The following RABGAP1L variants were observed in gnomAD, a reference collection of about 807,000 sequenced individuals.
RABGAP1L encodes rab GTPase-activating protein 1-like.
Under a neutral mutation model 137.7 loss-of-function variants are expected in RABGAP1L, and 63 were observed. That is an observed-to-expected ratio of 0.46 (90% CI 0.37 to 0.56). The LOEUF is 0.56. Among genes scored for constraint, RABGAP1L ranks in the 20% least tolerant of loss-of-function variants. RABGAP1L has a pLI of 0.00. For synonymous variants in RABGAP1L, 431 were observed against 433.7 expected, an observed-to-expected ratio of 0.99 and a Z score of 0.08; for missense variants, 1,095 against 1,244.0, an observed-to-expected ratio of 0.88 and a Z score of 1.80.
chr1:174,842,244 A>G (rs1251349642), intron 19 of RABGAP1L, among the ~76,000 whole-genome samples: 1 of 152,174 alleles, frequency 6.6e-6, no homozygotes, highest in East Asian at 1.9e-4. Context: ...CATCTTCTAT[A>G]TCATTTCCAG....
At chr1:174,658,541 C>T (rs1676136703) in intron 14 of RABGAP1L, among the ~76,000 whole-genome samples, 1 of 152,124 alleles carries the variant, frequency 6.6e-6, no homozygotes, top group Admixed American at 6.5e-5. Flanking sequence ...TTACTGCTGC[C>T]AGTTCTCTTG....
intron 18 of RABGAP1L, among the ~76,000 whole-genome samples, chr1:174,757,522 TATA>T (rs1291254251): frequency 1.5e-4 from 22 of 148,092 alleles, no homozygotes; most frequent in African/African-American, 5.4e-4. Flanking sequence ...TAAATATAAA[TATA>T]ATATATAAAT....
intron 13 of RABGAP1L, among the ~76,000 whole-genome samples, chr1:174,430,796 A>G (rs1652539973): frequency 6.6e-6 from 1 of 152,180 alleles, no homozygotes; most frequent in African/African-American, 2.4e-5. Flanking sequence ...AAAATAATTA[A>G]ACTCATGATT....
intron 13 of RABGAP1L, among the ~76,000 whole-genome samples, chr1:174,502,313 G>A (rs1661351139): frequency 6.6e-6 from 1 of 151,482 alleles, no homozygotes; most frequent in Non-Finnish European, 1.5e-5. Context: ...CAAAGGAAAA[G>A]AATCCCAAAG....
chr1:174,391,777 C>T (rs1202750887), intron 12 of RABGAP1L, among the ~76,000 whole-genome samples: 1 of 152,106 alleles, frequency 6.6e-6, no homozygotes, highest in African/African-American at 2.4e-5. Flanking sequence ...TTGGATTTCC[C>T]TTACATGATA....
intron 13 of RABGAP1L, among the ~76,000 whole-genome samples, chr1:174,411,227 CT>C (rs2149130615): frequency 6.6e-6 from 1 of 152,108 alleles, no homozygotes; most frequent in South Asian, 2.1e-4. Context: ...GGATGCCTTT[CT>C]TTCTCTTGCC....
chr1:174,453,427 C>A, intron 13 of RABGAP1L, among the ~76,000 whole-genome samples: 1 of 152,212 alleles, frequency 6.6e-6, no homozygotes, highest in East Asian at 1.9e-4. Context: ...TTTCTCCCCA[C>A]GCTAGAAGGT....
At chr1:174,449,918 A>G (rs903542390) in intron 13 of RABGAP1L, among the ~76,000 whole-genome samples, 8 of 152,008 alleles carry the variant, frequency 5.3e-5, no homozygotes, top group Non-Finnish European at 1.0e-4. Flanking sequence ...CTTGATCTGC[A>G]TCCATTGGTA....
rs948095467 is a variant in RABGAP1L, at chr1:174,498,343, A to G, written c.1710+104198A>G. On this transcript the variant is annotated intron_variant, in intron 13 of 25. Transcript: ENST00000681986. ...ATTGCTTAGGAATGCTAATTAATTAAAAGGTCTTGTTGAATTCAAATTGGT... is the reference window on the plus strand; with the variant it reads ...ATTGCTTAGGAATGCTAATTAATTAGAAGGTCTTGTTGAATTCAAATTGGT... Among the ~76,000 whole-genome samples the G allele has an allele frequency of 2.0e-5, 3 of 152,314 alleles. No individual in the cohort carries two copies. In the South Asian group the frequency reaches 6.2e-4, roughly 32 times the overall value.
At chr1:174,373,928 C>A (rs193093042) in intron 12 of RABGAP1L, among the ~76,000 whole-genome samples, 149 of 152,216 alleles carry the variant, frequency 9.8e-4, no homozygotes, top group African/African-American at 3.3e-3. Context: ...AAAAGCTGGG[C>A]CTAATTCTCA....
At position 174,448,334 on chromosome 1, in the gene RABGAP1L, AC is replaced by A; in HGVS notation, c.1710+54190del. The A allele has an allele frequency of 6.2e-7, 1 of 1,613,708 alleles. No homozygotes were observed. The highest frequency in any genetic ancestry group is 8.5e-7 in the Non-Finnish European group (1 of 1,179,650). On this transcript the variant is annotated intron_variant, in intron 13 of 25. Coordinates refer to ENST00000681986, the MANE Select transcript of RABGAP1L (RefSeq NM_001366446.1). The surrounding 1 kb of genome is among the most constrained non-coding windows in gnomAD (Gnocchi z 4.2). ...TTGTGCTCCACTGTTACATCATTAT[AC>A]TACCAGCTATTTCATTCAGACGATG... is the stretch of plus-strand genomic sequence containing the variant.
rs1218904382 is a variant in RABGAP1L, at chr1:174,993,423, ATATT to A, written c.*3428_*3431del. 4 of 119,588 alleles carry A rather than the reference ATATT, an allele frequency of 3.3e-5. No homozygotes were observed. The highest frequency in any genetic ancestry group is 5.9e-5 in the Non-Finnish European group (4 of 67,686). The allele number at this position is 119,588 out of a possible 1,614,324, so 7.4% of individuals were successfully genotyped here. On this transcript the variant is annotated 3_prime_UTR_variant, in exon 26 of 26. Coordinates refer to ENST00000681986, the MANE Select transcript of RABGAP1L (RefSeq NM_001366446.1). ...TTCATTTTTTTCCTATGATGTATTA[ATATT>A]TATTTTTCTCCAACCCCTGCTCCAT...
intron 13 of RABGAP1L, among the ~76,000 whole-genome samples, chr1:174,611,779 T>G (rs1417495030): frequency 6.6e-6 from 1 of 152,174 alleles, no homozygotes. Context: ...CACGTCCCTT[T>G]TAAGTTGGAT....
rs998042532 is a variant in RABGAP1L, at chr1:174,668,130, G to T, written c.1825-15392G>T. 2.6e-5 allele frequency among the ~76,000 whole-genome samples: 4 copies of T among 152,136 alleles called. No homozygotes were observed. The East Asian group carries it at 5.8e-4, about 22-fold the overall frequency. On this transcript the variant is annotated intron_variant, in intron 14 of 25. Coordinates refer to ENST00000681986, the MANE Select transcript of RABGAP1L (RefSeq NM_001366446.1). Reference sequence around the variant, plus strand: ...CCAAAAACCTGCCACCTAGATTCTAGAATTAGCATTTTGTGAGAATATACT... The same window carrying T: ...CCAAAAACCTGCCACCTAGATTCTATAATTAGCATTTTGTGAGAATATACT...
intron 4 of RABGAP1L, among the ~76,000 whole-genome samples, chr1:174,232,606 A>T (rs1558053596): frequency 6.6e-6 from 1 of 151,708 alleles, no homozygotes; most frequent in African/African-American, 2.4e-5. Context: ...ACACGGTGAA[A>T]CCCCGTCTCT....
intron 18 of RABGAP1L, among the ~76,000 whole-genome samples, chr1:174,810,302 A>G (rs1689742259): frequency 6.6e-6 from 1 of 152,170 alleles, no homozygotes; most frequent in African/African-American, 2.4e-5. Context: ...AAAACTGGAA[A>G]GTGAATTGGT....
intron 4 of RABGAP1L, among the ~76,000 whole-genome samples, chr1:174,234,247 C>T: frequency 9.4e-6 from 1 of 106,474 alleles, no homozygotes; most frequent in African/African-American, 5.5e-5. Context: ...GTTTCTTTTG[C>T]TGTGCAGAAG....
intron 1 of RABGAP1L, among the ~76,000 whole-genome samples, chr1:174,172,262 T>C (rs1326217256): frequency 2.0e-5 from 3 of 150,562 alleles, no homozygotes; most frequent in Non-Finnish European, 2.9e-5. Context: ...GGACAGACAC[T>C]TAGGTTGTTT....
intron 13 of RABGAP1L, among the ~76,000 whole-genome samples, chr1:174,455,135 A>G (rs763136691): frequency 2.0e-5 from 3 of 152,204 alleles, no homozygotes. Context: ...GGCACATATC[A>G]CCACCTTCAT....
Sources: gnomAD v4.1 joint callset for allele counts (sites outside exome capture counted in the v4.1 genomes callset) on GRCh38, gnomAD v4.1.1 for gene constraint, Gnocchi (gnomAD v3.1) non-coding constraint, MANE v1.5 for transcripts, NCBI Gene and HGNC (gene_info 2026-07-23, HGNC 2026-07-21) for gene names.